Variants in CRMP1 observed in about 807,000 individuals in gnomAD.
CRMP1 encodes the protein dihydropyrimidinase-related protein 1.
In CRMP1, 19 loss-of-function variants were observed where a neutral mutation model predicts 68.3. The ratio of observed to expected loss-of-function variants is 0.28; its 90% CI spans 0.19 to 0.41. The LOEUF (loss-of-function observed/expected upper bound fraction) is 0.41, where lower values mean the gene tolerates loss of function less well. CRMP1 is among the 10% of genes least tolerant of loss of function. CRMP1 has a pLI of 1.00. For missense variants in CRMP1, 791 were observed against 967.4 expected (o/e 0.82, Z 2.42); for synonymous variants, 439 against 399.6 (o/e 1.10, Z -1.18).
rs1719462648 is a variant in CRMP1 at position 5,825,743 on chromosome 4, A to T, written c.1804-84T>A. ...CAGATAAAGCAGAGCCCTGCGGGCG[A>T]GAGAGAAACCTGAGGTCACTTCAAA... On this transcript the variant is annotated intron_variant, in intron 12 of 13. Coordinates refer to ENST00000324989, the MANE Select transcript of CRMP1 (RefSeq NM_001014809.3). This position sits in a 1 kb window ranked among gnomAD's most constrained non-coding sequence, Gnocchi z 4.4. The T allele has an allele frequency of 6.9e-7, 1 of 1,451,602 alleles. No homozygotes were observed. The highest frequency in any genetic ancestry group is 1.4e-5 in the African/African-American group (1 of 69,552). 89.9% of individuals were successfully genotyped at this position (1,451,602 alleles called of 1,614,324 possible). A position where few individuals can be genotyped will look rare whatever the true frequency, so the allele number is the denominator to read the frequency against.
intron 8 of CRMP1, 115 bp from the exon 9 acceptor site, chr4:5,839,793 C>A (rs901405122): frequency 1.6e-5 from 19 of 1,206,844 alleles, no homozygotes; most frequent in Non-Finnish European, 2.1e-5. Context: ...AAGGCCAGAA[C>A]ACTGGCCACC....
intron 11 of CRMP1, among the ~76,000 whole-genome samples, chr4:5,829,004 T>C (rs1720127239): frequency 6.6e-6 from 1 of 152,000 alleles, no homozygotes; most frequent in South Asian, 2.1e-4. Flanking sequence ...TTCTTCATTT[T>C]ACTTAAAATG....
intron 1 of CRMP1, among the ~76,000 whole-genome samples, chr4:5,880,315 T>C (rs1243181025): frequency 6.6e-6 from 1 of 152,228 alleles, no homozygotes; most frequent in East Asian, 1.9e-4. Flanking sequence ...CGATTCAACG[T>C]TGAGGTTATA....
chr4:5,828,782 T>C lies in CRMP1; in HGVS notation c.1624-114A>G, dbSNP rs576983073. 9.3e-6 allele frequency: 12 copies of C among 1,287,428 alleles called. No homozygotes were observed. In the African/African-American group the frequency reaches 1.1e-4, roughly 11 times the overall value. 79.8% of individuals were successfully genotyped at this position (1,287,428 alleles called of 1,614,324 possible). A position where few individuals can be genotyped will look rare whatever the true frequency, so the allele number is the denominator to read the frequency against. The stretch of plus-strand genomic sequence containing the variant: ...ATAAGCGTGTTCCAATGTTTTTTTT[T>C]CTCTCTAAAAATACCTTTTATTGAC... On this transcript the variant is annotated intron_variant, in intron 11 of 13. Coordinates refer to ENST00000324989, the MANE Select transcript of CRMP1 (RefSeq NM_001014809.3).
At chr4:5,848,965 C>A (rs1712425514) in intron 6 of CRMP1, among the ~76,000 whole-genome samples, 1 of 152,210 alleles carries the variant, frequency 6.6e-6, no homozygotes, top group Non-Finnish European at 1.5e-5. Context: ...AACATATGAA[C>A]TTTTGAAGGA....
rs768538875 is a variant in CRMP1 at position 5,828,593 on chromosome 4, C to T, written c.1699G>A (p.Val567Ile). The change falls in exon 12 of 14, where the codon GTC (valine) becomes ATC (isoleucine). Residue 567 changes from valine (V) to isoleucine (I), a missense_variant. By Grantham distance (29) the Val-to-Ile change is conservative (BLOSUM62 3). Transcript: ENST00000324989. Reference sequence around the variant, plus strand: ...ACGTTGATGTTTCCGTCTTCAAAGACGATCTTGCCCTGGCTGATGACCACT... The same window carrying T: ...ACGTTGATGTTTCCGTCTTCAAAGATGATCTTGCCCTGGCTGATGACCACT... ...PLVVISQGKI[V>I]FEDGNINVNK... is the part of the protein sequence containing the mutation. 1.5e-5 allele frequency: 25 copies of T among 1,614,212 alleles called. No homozygotes were observed. The highest frequency in any genetic ancestry group is 1.6e-4 in the Middle Eastern group (1 of 6,062).
At position 5,821,486 on chromosome 4, in the gene CRMP1, A is replaced by C. The variant is rs1245430387; in HGVS notation, c.*274T>G. ...GAAGTGGAAGGGACAGAACAAGACA[A>C]TGCTAAAACCTGTGGTTCACTAGGA... On this transcript the variant is annotated 3_prime_UTR_variant, in exon 14 of 14. Transcript: ENST00000324989. This position sits in a 1 kb window ranked among gnomAD's most constrained non-coding sequence, Gnocchi z 4.4. 2.0e-6 allele frequency: 1 copy of C among 503,692 alleles called. No homozygotes were observed. Among genetic ancestry groups the C allele is most frequent in the African/African-American group, 1.9e-5 (1 of 52,716 alleles). The allele number at this position is 503,692 out of a possible 1,614,324, so 31.2% of individuals were successfully genotyped here.
chr4:5,887,491 C>A (rs1715671487), intron 1 of CRMP1: 1 of 985,554 alleles, frequency 1.0e-6, no homozygotes, highest in Non-Finnish European at 1.2e-6. Context: ...GCGCCCTCAG[C>A]TCCCCACCCC....
chr4:5,876,201 G>C (rs114312907), intron 1 of CRMP1, among the ~76,000 whole-genome samples: 2,372 of 152,060 alleles, frequency 0.016, 33 homozygotes, highest in Non-Finnish European at 0.024. Context: ...TGGCCTTGCA[G>C]AGTCAAAATA....
rs1164287275 is a variant in CRMP1, at chr4:5,859,232, T to A, written c.655+1794A>T. Among the ~76,000 whole-genome samples, 1 of 152,210 alleles carries A rather than the reference T, an allele frequency of 6.6e-6. No homozygotes were observed. The highest frequency in any genetic ancestry group is 1.5e-5 in the Non-Finnish European group (1 of 68,034). Reference sequence around the variant, plus strand: ...TGAAGATGGGGAAGGGCGGGGACCCTTTCAGAGCCCTGGACTGTTGTCCTC... The same window carrying A: ...TGAAGATGGGGAAGGGCGGGGACCCATTCAGAGCCCTGGACTGTTGTCCTC... On this transcript the variant is annotated intron_variant, in intron 3 of 13. Coordinates refer to ENST00000324989, the MANE Select transcript of CRMP1 (RefSeq NM_001014809.3). This position sits in a 1 kb window ranked among gnomAD's most constrained non-coding sequence, Gnocchi z 5.2.
At chr4:5,829,502 G>A (rs943647040) in intron 11 of CRMP1, among the ~76,000 whole-genome samples, 3 of 152,228 alleles carry the variant, frequency 2.0e-5, no homozygotes, top group Non-Finnish European at 4.4e-5. Flanking sequence ...TTAAAAGTAG[G>A]TCACATACAT....
intron 1 of CRMP1, among the ~76,000 whole-genome samples, chr4:5,871,280 A>T (rs1714422605): frequency 6.6e-6 from 1 of 152,176 alleles, no homozygotes; most frequent in African/African-American, 2.4e-5. Flanking sequence ...GGCATTTTCA[A>T]AGCCATGTGC....
intron 11 of CRMP1, among the ~76,000 whole-genome samples, chr4:5,833,587 A>T (rs1720528079): frequency 6.6e-6 from 1 of 152,158 alleles, no homozygotes; most frequent in Admixed American, 6.5e-5. Context: ...CTCATTTATC[A>T]ATAACAATAT....
intron 9 of CRMP1, 66 bp from the exon 10 acceptor site, chr4:5,836,972 G>A (rs1385695297): frequency 6.6e-7 from 1 of 1,521,696 alleles, no homozygotes; most frequent in South Asian, 1.3e-5. Context: ...CCTGACTTCA[G>A]ACAGGTACAT....
Position 5,854,399 on chromosome 4 carries a change from GTTTTTTT to G in CRMP1, c.820+1737_820+1743del, listed in dbSNP as rs35551598. ...GGCGTACACCACCACTCCTGGCTAT[GTTTTTTT>G]TTTTTTTTTTTTTTTTTTAATAGAG... On this transcript the variant is annotated intron_variant, in intron 4 of 13. Coordinates refer to ENST00000324989, the MANE Select transcript of CRMP1 (RefSeq NM_001014809.3). The surrounding 1 kb of genome is among the most constrained non-coding windows in gnomAD (Gnocchi z 4.0). 1.4e-5 allele frequency among the ~76,000 whole-genome samples: 1 copy of G among 70,860 alleles called. No homozygotes were observed. Among genetic ancestry groups the G allele is most frequent in the African/African-American group, 6.1e-5 (1 of 16,516 alleles). 46.5% of individuals were successfully genotyped at this position (70,860 alleles called of 152,430 possible).
chr4:5,826,047 C>T (rs1719558984), intron 12 of CRMP1: 1 of 293,732 alleles, frequency 3.4e-6, no homozygotes. Context: ...TTCACAAAGG[C>T]ATACTCACAT....
At chr4:5,826,063 T>C in intron 12 of CRMP1, 1 of 267,800 alleles carries the variant, frequency 3.7e-6, no homozygotes. Context: ...CACATATGTA[T>C]ACACATGCAT....
At position 5,831,011 on chromosome 4, in the gene CRMP1, C is replaced by T. The variant is rs374621139; in HGVS notation, c.1624-2343G>A. ...GGTCTCAGTCTGCAGTGCAGTGGCA[C>T]GATCATGGCTCACTATAGCCTCCAA... On this transcript the variant is annotated intron_variant, in intron 11 of 13. Coordinates refer to ENST00000324989, the MANE Select transcript of CRMP1 (RefSeq NM_001014809.3). Among the ~76,000 whole-genome samples the T allele has an allele frequency of 9.2e-5, 14 of 152,260 alleles. No homozygotes were observed. In the East Asian group the frequency reaches 1.2e-3, roughly 13 times the overall value.
rs894422619 is a variant in CRMP1, at chr4:5,834,764, C to T, written c.1623+1151G>A. Among the ~76,000 whole-genome samples the T allele has an allele frequency of 2.6e-5, 4 of 152,268 alleles. No individual in the cohort carries two copies. Among genetic ancestry groups the T allele is most frequent in the East Asian group, 1.9e-4 (1 of 5,170 alleles). ...GACTGTACATGTGCGTGGCATAAAC[C>T]TTTCTCCATGGGAAGATGATCTCAG... On this transcript the variant is annotated intron_variant, in intron 11 of 13. Transcript: ENST00000324989. This position sits in a 1 kb window ranked among gnomAD's most constrained non-coding sequence, Gnocchi z 4.3.
Sources: allele counts gnomAD v4.1 joint callset (sites outside exome capture counted in the v4.1 genomes callset), GRCh38; gene constraint gnomAD v4.1.1; non-coding constraint Gnocchi (gnomAD v3.1); transcripts MANE v1.5; gene names NCBI Gene and HGNC (gene_info 2026-07-23, HGNC 2026-07-21).